Variants in CDC42 observed in about 807,000 individuals in gnomAD.
CDC42 encodes the protein cell division control protein 42 homolog.
CDC42 carries 1 observed loss-of-function variant against 20.8 expected under a neutral mutation model. The observed-to-expected ratio is 0.05, with a 90% CI of 0.02 to 0.23. CDC42 has a LOEUF of 0.23. Ranked by LOEUF, CDC42 falls within the 10% of genes least tolerant of loss-of-function variation. The pLI, the probability that CDC42 is intolerant of heterozygous loss-of-function variation, is 1.00. For missense variants in CDC42, 49 were observed against 227.9 expected, an observed-to-expected ratio of 0.21 and a Z score of 5.05; for synonymous variants, 72 against 84.8, an observed-to-expected ratio of 0.85 and a Z score of 0.83.
chr1:22,079,985 A>G (rs1216855143), intron 2 of CDC42, among the ~76,000 whole-genome samples: 1 of 152,218 alleles, frequency 6.6e-6, no homozygotes, highest in Admixed American at 6.5e-5. Context: ...ATGAGGCACA[A>G]GTAATGTTCT....
At chr1:22,058,886 C>T (rs1645332669) in intron 1 of CDC42, among the ~76,000 whole-genome samples, 1 of 152,146 alleles carries the variant, frequency 6.6e-6, no homozygotes, top group Admixed American at 6.6e-5. Flanking sequence ...GTGATTATAG[C>T]TCACTGTAAC....
At position 22,084,335 on chromosome 1, in the gene CDC42, G is replaced by GTTTTT. The variant is rs61584354; in HGVS notation, c.179-2083_179-2079dup. ...TTCTTCTGTTCGACACTTATTTCCT[G>GTTTTT]TTTTTTTTTTTTTTTTTTTTTTTTT... On this transcript the variant is annotated intron_variant, in intron 3 of 5. Transcript: ENST00000656825. Among the ~76,000 whole-genome samples the GTTTTT allele has an allele frequency of 4.1e-4, 33 of 80,700 alleles. 1 individual carries two copies. Among genetic ancestry groups the GTTTTT allele is most frequent in the African/African-American group, 9.5e-4 (19 of 19,998 alleles). 52.9% of individuals were successfully genotyped at this position (80,700 alleles called of 152,430 possible).
chr1:22,057,083 G>A (rs1455643747), intron 1 of CDC42, among the ~76,000 whole-genome samples: 1 of 152,188 alleles, frequency 6.6e-6, no homozygotes, highest in African/African-American at 2.4e-5. Flanking sequence ...TCAGATCCTG[G>A]TTCTGCCACT....
chr1:22,058,727 G>A (rs532715539), intron 1 of CDC42, among the ~76,000 whole-genome samples: 6 of 152,212 alleles, frequency 3.9e-5, no homozygotes, highest in Admixed American at 6.5e-5. Context: ...TCAAACTCCC[G>A]ACCTCAGGTG....
At chr1:22,061,925 C>T (rs981939222) in intron 1 of CDC42, among the ~76,000 whole-genome samples, 3 of 151,434 alleles carry the variant, frequency 2.0e-5, no homozygotes, top group African/African-American at 4.9e-5. Flanking sequence ...TATGGAACAC[C>T]CTTTTTTATT....
intron 1 of CDC42, among the ~76,000 whole-genome samples, chr1:22,063,258 T>C (rs377489529): frequency 6.6e-6 from 1 of 152,126 alleles, no homozygotes; most frequent in South Asian, 2.1e-4. Flanking sequence ...TAGTGTAAAA[T>C]TGTAGCAATC....
rs16826530 is a variant in CDC42 at position 22,086,035 on chromosome 1, G to T, written c.179-404G>T. ...TAATTTTTATATTTTTAGTAGAGAT[G>T]AGGCTTCATCATGTTGGCCAGGCTG... is the stretch of plus-strand genomic sequence containing the variant. On this transcript the variant is annotated intron_variant, in intron 3 of 5. Transcript: ENST00000656825. 3.8e-4 allele frequency among the ~76,000 whole-genome samples: 58 copies of T among 152,266 alleles called. 1 individual carries two copies. The East Asian group carries it at 0.011, about 29-fold the overall frequency.
chr1:22,087,773 T>G (rs1180248620), intron 5 of CDC42, among the ~76,000 whole-genome samples: 1 of 152,092 alleles, frequency 6.6e-6, no homozygotes, highest in East Asian at 2.0e-4. Flanking sequence ...TTCAGGTAAT[T>G]CATTCATTTT....
At chr1:22,065,246 A>G (rs550884375) in intron 1 of CDC42, among the ~76,000 whole-genome samples, 2 of 152,300 alleles carry the variant, frequency 1.3e-5, no homozygotes, top group East Asian at 3.9e-4. Flanking sequence ...AGACTTGAGA[A>G]ATACTTGCTG....
chr1:22,068,293 A>G (rs1229902380), intron 1 of CDC42: 1 of 153,300 alleles, frequency 6.5e-6, no homozygotes, highest in Non-Finnish European at 1.5e-5. Context: ...ACATGCTGCT[A>G]ACTTTCACAA....
Position 22,100,834 on chromosome 1 carries a change from G to C in CDC42, c.*9317G>C, listed in dbSNP as rs1645784840. 6.6e-6 allele frequency: 1 copy of C among 152,172 alleles called. No homozygotes were observed. The highest frequency in any genetic ancestry group is 1.5e-5 in the Non-Finnish European group (1 of 68,026). The allele number at this position is 152,172 out of a possible 1,614,324, so 9.4% of individuals were successfully genotyped here. ...TATGGAGTTCCAGACCCACCATGGGGCCCCAGTGCTAGCTTCTTAGCCCTC... is the reference window on the plus strand; with the variant it reads ...TATGGAGTTCCAGACCCACCATGGGCCCCCAGTGCTAGCTTCTTAGCCCTC... On this transcript the variant is annotated 3_prime_UTR_variant, in exon 6 of 6. Coordinates refer to ENST00000656825, the MANE Select transcript of CDC42 (RefSeq NM_001791.4).
chr1:22,087,276 TTC>T (rs1645670661), intron 5 of CDC42, among the ~76,000 whole-genome samples: 1 of 152,144 alleles, frequency 6.6e-6, no homozygotes, highest in South Asian at 2.1e-4. Context: ...TCTTGGGCAA[TTC>T]AACCAGGATA....
intron 3 of CDC42, among the ~76,000 whole-genome samples, chr1:22,086,171 A>T (rs1352737385): frequency 1.3e-5 from 2 of 152,158 alleles, no homozygotes; most frequent in African/African-American, 4.8e-5. Context: ...TATTACATTT[A>T]TTATTGGGTT....
intron 1 of CDC42, among the ~76,000 whole-genome samples, chr1:22,053,774 T>G (rs1340945079): frequency 1.3e-5 from 2 of 152,180 alleles, no homozygotes; most frequent in Admixed American, 6.5e-5. Context: ...CAGATGATGT[T>G]TTGAAAGCTT....
chr1:22,082,797 A>C (rs16826506), intron 3 of CDC42, among the ~76,000 whole-genome samples: 4,434 of 152,228 alleles, frequency 0.029, 103 homozygotes, highest in African/African-American at 0.062. Context: ...TGGAATATAG[A>C]GAAAACAATG....
chr1:22,087,654 T>G (rs1645674440), intron 5 of CDC42, among the ~76,000 whole-genome samples: 1 of 152,232 alleles, frequency 6.6e-6, no homozygotes, highest in African/African-American at 2.4e-5. Context: ...GTTCTACTGG[T>G]ACTGGTGCTT....
intron 1 of CDC42, among the ~76,000 whole-genome samples, chr1:22,062,799 A>C (rs1366368805): frequency 6.7e-6 from 1 of 150,356 alleles, no homozygotes; most frequent in Admixed American, 6.7e-5. Flanking sequence ...TGTCTATGGT[A>C]CAAACCTATC....
rs78923644 is a variant in CDC42 at position 22,097,771 on chromosome 1, A to C, written c.*6254A>C. Among the ~76,000 whole-genome samples the C allele has an allele frequency of 0.029, 4,462 of 152,350 alleles. 97 individuals carry two copies. The highest frequency in any genetic ancestry group is 0.044 in the Non-Finnish European group (3,012 of 68,014). ...AGCCCTACGTTATAGAAAAATGTGAAGTATGTCTAATAAAGGAGTACAGTG... is the reference window on the plus strand; with the variant it reads ...AGCCCTACGTTATAGAAAAATGTGACGTATGTCTAATAAAGGAGTACAGTG... On this transcript the variant is annotated 3_prime_UTR_variant, in exon 6 of 6. Transcript: ENST00000656825.
At chr1:22,061,718 A>G (rs1645367260) in intron 1 of CDC42, among the ~76,000 whole-genome samples, 1 of 149,102 alleles carries the variant, frequency 6.7e-6, no homozygotes. Context: ...TAATTTTTGT[A>G]TTTTTAGTGG....
Sources: gnomAD v4.1 joint callset for allele counts (sites outside exome capture counted in the v4.1 genomes callset) on GRCh38, gnomAD v4.1.1 for gene constraint, MANE v1.5 for transcripts, NCBI Gene and HGNC (gene_info 2026-07-23, HGNC 2026-07-21) for gene names.